The following PPP1R14D variants were observed in gnomAD, a reference collection of about 807,000 sequenced individuals.
The protein encoded by PPP1R14D is protein phosphatase 1 regulatory subunit 14D.
Under a neutral mutation model 17.1 loss-of-function variants are expected in PPP1R14D, and 14 were observed. The ratio of observed to expected loss-of-function variants is 0.82; its 90% CI spans 0.54 to 1.28. The LOEUF (loss-of-function observed/expected upper bound fraction) is 1.28, where lower values mean the gene tolerates loss of function less well. PPP1R14D is among the 50% of genes most tolerant of loss of function. PPP1R14D has a pLI of 0.00. For missense variants in PPP1R14D, 173 were observed against 179.2 expected (o/e 0.97, Z 0.20); for synonymous variants, 67 against 66.1 (o/e 1.01, Z -0.06).
At chr15:40,826,778 G>A (rs1241650093) in intron 1 of PPP1R14D, among the ~76,000 whole-genome samples, 1 of 152,100 alleles carries the variant, frequency 6.6e-6, no homozygotes, top group Non-Finnish European at 1.5e-5. Context: ...GACCAACCTA[G>A]GCAACATAGC....
At position 40,828,434 on chromosome 15, in the gene PPP1R14D, G is replaced by A. The variant is rs267604183; in HGVS notation, c.208C>T (p.Leu70=). ...KYDRGQLQRW[L]EMEQWVDAQV... ...GCATCCACCCATTGCTCCATCTCCA[G>A]CCAGCGCTGGAGCTGGCCCCGGTCA... Residue 70 remains leucine, a synonymous_variant, in exon 1 of 4, where the codon CTG becomes TTG. Coordinates refer to ENST00000299174, the MANE Select transcript of PPP1R14D (RefSeq NM_017726.8). 3.3e-4 allele frequency: 538 copies of A among 1,613,374 alleles called. 8 individuals are homozygous for A. In the South Asian group the frequency reaches 5.6e-3, roughly 17 times the overall value.
At chr15:40,818,267 C>CGACA (rs1313863611) in intron 1 of PPP1R14D, among the ~76,000 whole-genome samples, 1 of 126,602 alleles carries the variant, frequency 7.9e-6, no homozygotes, top group African/African-American at 3.1e-5. Context: ...CCAGCCTGGG[C>CGACA]GACAGAGCGA....
intron 1 of PPP1R14D, among the ~76,000 whole-genome samples, chr15:40,818,909 C>T (rs1890723061): frequency 6.6e-6 from 1 of 151,972 alleles, no homozygotes; most frequent in African/African-American, 2.4e-5. Context: ...AATATATAAC[C>T]TTGCTGCTGG....
intron 1 of PPP1R14D, among the ~76,000 whole-genome samples, chr15:40,822,825 T>G (rs752843188): frequency 6.6e-6 from 1 of 151,768 alleles, no homozygotes; most frequent in Non-Finnish European, 1.5e-5. Flanking sequence ...TTGTTTTTGT[T>G]TTTGAGTAGG....
chr15:40,818,181 C>T (rs964367254), intron 1 of PPP1R14D, among the ~76,000 whole-genome samples: 1 of 146,210 alleles, frequency 6.8e-6, no homozygotes, highest in Non-Finnish European at 1.5e-5. Context: ...CCCAGCTACT[C>T]GGGAGGCTGA....
At chr15:40,816,016 CAG>C (rs1474149085) in intron 2 of PPP1R14D, 22 bp from the exon 3 acceptor site, 12 of 1,613,924 alleles carry the variant, frequency 7.4e-6, no homozygotes, top group African/African-American at 1.3e-5. Context: ...AGAACACAGA[CAG>C]GGCCCCAAGT....
intron 1 of PPP1R14D, among the ~76,000 whole-genome samples, chr15:40,821,919 CTG>C (rs1170424001): frequency 6.6e-6 from 1 of 152,102 alleles, no homozygotes; most frequent in Non-Finnish European, 1.5e-5. Context: ...TAAAGTGAGA[CTG>C]TGTCTCAAAA....
At chr15:40,817,612 CTTTT>C (rs34000020) in intron 1 of PPP1R14D, among the ~76,000 whole-genome samples, 5 of 124,226 alleles carry the variant, frequency 4.0e-5, no homozygotes, top group Admixed American at 8.2e-5. Context: ...CAAAACTAAA[CTTTT>C]TTTTTTTTTT....
At chr15:40,816,095 A>T in intron 2 of PPP1R14D, 75 bp downstream of exon 2, 1 of 1,599,104 alleles carries the variant, frequency 6.3e-7, no homozygotes, top group South Asian at 1.1e-5. Context: ...GGTTCTCTGC[A>T]CTCCACCAAA....
intron 1 of PPP1R14D, among the ~76,000 whole-genome samples, chr15:40,825,769 C>A (rs985848631): frequency 2.6e-5 from 4 of 152,142 alleles, no homozygotes; most frequent in African/African-American, 9.7e-5. Flanking sequence ...CTGAAAAGAG[C>A]AGGGATTGGG....
rs187576821 is a variant in PPP1R14D, at chr15:40,820,439, G to C, written c.256-4186C>G. Among the ~76,000 whole-genome samples the C allele has an allele frequency of 6.6e-5, 10 of 151,866 alleles. No homozygotes were observed. In the East Asian group the frequency reaches 1.9e-3, roughly 30 times the overall value. On this transcript the variant is annotated intron_variant, in intron 1 of 3. Coordinates refer to ENST00000299174, the MANE Select transcript of PPP1R14D (RefSeq NM_017726.8). The stretch of plus-strand genomic sequence containing the variant: ...CTCCCAAAGTGTTGGGATTACAGGC[G>C]TGAGCCACCGAGCCTGGCCTAGATT...
intron 1 of PPP1R14D, among the ~76,000 whole-genome samples, chr15:40,819,495 C>G (rs1485158792): frequency 1.3e-5 from 2 of 151,430 alleles, no homozygotes; most frequent in Non-Finnish European, 2.9e-5. Flanking sequence ...CAATATCACG[C>G]CACTGCACTC....
intron 1 of PPP1R14D, among the ~76,000 whole-genome samples, chr15:40,823,737 G>T (rs1004517491): frequency 1.3e-5 from 2 of 152,032 alleles, no homozygotes; most frequent in South Asian, 4.1e-4. Flanking sequence ...TACCATCTAG[G>T]TCTGTGTACA....
chr15:40,819,481 G>C (rs1890732621), intron 1 of PPP1R14D, among the ~76,000 whole-genome samples: 2 of 150,470 alleles, frequency 1.3e-5, no homozygotes, highest in South Asian at 4.2e-4. Flanking sequence ...CTCGGGAAGT[G>C]AGCCAATATC....
chr15:40,818,921 TG>T, intron 1 of PPP1R14D, among the ~76,000 whole-genome samples: 1 of 152,012 alleles, frequency 6.6e-6, no homozygotes, highest in Non-Finnish European at 1.5e-5. Context: ...TGCTGCTGGG[TG>T]GGGGATAGTG....
chr15:40,823,937 T>C (rs141125340), intron 1 of PPP1R14D, among the ~76,000 whole-genome samples: 13 of 150,668 alleles, frequency 8.6e-5, no homozygotes, highest in African/African-American at 2.9e-4. Context: ...GGTGGGAAGA[T>C]TGCTTGAGCC....
chr15:40,819,505 C>G (rs947051403), intron 1 of PPP1R14D, among the ~76,000 whole-genome samples: 1 of 151,288 alleles, frequency 6.6e-6, no homozygotes, highest in Non-Finnish European at 1.5e-5. Flanking sequence ...CCACTGCACT[C>G]CAGCCTGGGC....
intron 1 of PPP1R14D, 103 bp downstream of exon 1, chr15:40,828,284 C>A: frequency 7.0e-7 from 1 of 1,427,272 alleles, no homozygotes; most frequent in Admixed American, 2.4e-5. Context: ...GCTTTCTCTT[C>A]ACGGAAGCAC....
At chr15:40,822,786 T>TTTG (rs996523427) in intron 1 of PPP1R14D, among the ~76,000 whole-genome samples, 1 of 151,306 alleles carries the variant, frequency 6.6e-6, no homozygotes, top group Non-Finnish European at 1.5e-5. Flanking sequence ...AAAATGACAT[T>TTTG]TTGTTGTTGT....
Sources: gnomAD v4.1 joint callset for allele counts (sites outside exome capture counted in the v4.1 genomes callset) on GRCh38, gnomAD v4.1.1 for gene constraint, MANE v1.5 for transcripts, NCBI Gene and HGNC (gene_info 2026-07-23, HGNC 2026-07-21) for gene names.